The following EYS variants were observed in gnomAD, a reference collection of about 807,000 sequenced individuals.
The protein encoded by EYS is EGF-like photoreceptor maintenance factor, also known as protein eyes shut homolog.
EYS carries 250 observed loss-of-function variants against 282.1 expected under a neutral mutation model. The observed-to-expected ratio is 0.89, with a 90% CI of 0.80 to 0.98. The LOEUF is 0.98. Among genes scored for constraint, EYS ranks in the 50% least tolerant of loss-of-function variants. The pLI is 0.00. For missense variants in EYS, 4,016 were observed against 3,709.0 expected (o/e 1.08, Z -2.15); for synonymous variants, 1,355 against 1,282.9 (o/e 1.06, Z -1.20).
intron 28 of EYS, among the ~76,000 whole-genome samples, chr6:64,420,453 C>T (rs2150450788): frequency 6.6e-6 from 1 of 152,098 alleles, no homozygotes; most frequent in Admixed American, 6.5e-5. Context: ...ATTTCTGTAG[C>T]AGGCTTGAAT....
At chr6:64,403,080 G>A (rs1773589255) in intron 28 of EYS, among the ~76,000 whole-genome samples, 1 of 151,806 alleles carries the variant, frequency 6.6e-6, no homozygotes, top group African/African-American at 2.4e-5. Flanking sequence ...TAAATACTAA[G>A]ATCATTGAAA....
intron 9 of EYS, among the ~76,000 whole-genome samples, chr6:65,352,307 CA>C (rs1764312402): frequency 6.6e-6 from 1 of 151,864 alleles, no homozygotes. Flanking sequence ...ACAGACACAT[CA>C]AACTGTTAAT....
chr6:64,703,406 CACACAT>C (rs1324684287), intron 22 of EYS, among the ~76,000 whole-genome samples: 1 of 32,358 alleles, frequency 3.1e-5, no homozygotes, highest in African/African-American at 7.9e-5. Flanking sequence ...CACACACACA[CACACAT>C]ATATATATAT....
At chr6:64,266,738 T>G (rs1767771063) in intron 30 of EYS, among the ~76,000 whole-genome samples, 1 of 152,136 alleles carries the variant, frequency 6.6e-6, no homozygotes, top group Admixed American at 6.6e-5. Context: ...GCCACGTGTC[T>G]CTGAGGAGTC....
At chr6:65,645,385 T>C (rs1487586705) in intron 1 of EYS, among the ~76,000 whole-genome samples, 3 of 152,156 alleles carry the variant, frequency 2.0e-5, no homozygotes, top group African/African-American at 7.2e-5. Flanking sequence ...AAAGGAACCT[T>C]CAAAACCATG....
intron 26 of EYS, among the ~76,000 whole-genome samples, chr6:64,453,845 C>T (rs1011859990): frequency 2.6e-5 from 4 of 151,958 alleles, no homozygotes; most frequent in African/African-American, 4.8e-5. Flanking sequence ...CATCACACAC[C>T]GGGGACTGTT....
intron 14 of EYS, among the ~76,000 whole-genome samples, chr6:64,948,067 T>G (rs1769351208): frequency 6.6e-6 from 1 of 151,836 alleles, no homozygotes; most frequent in African/African-American, 2.4e-5. Flanking sequence ...TGATAATTAG[T>G]AGAAAATTGT....
At chr6:65,446,391 AC>A (rs1182364239) in intron 5 of EYS, among the ~76,000 whole-genome samples, 13 of 151,894 alleles carry the variant, frequency 8.6e-5, no homozygotes, top group African/African-American at 3.1e-4. Context: ...AACTGTCAGA[AC>A]TAAAAGTATT....
intron 1 of EYS, among the ~76,000 whole-genome samples, chr6:65,697,467 T>C (rs1406942687): frequency 6.6e-6 from 1 of 152,078 alleles, no homozygotes; most frequent in Non-Finnish European, 1.5e-5. Flanking sequence ...CTGACATTGA[T>C]CATCTGTCAA....
chr6:63,817,037 A>G lies in EYS; in HGVS notation c.7229-10665T>C, dbSNP rs73451361. On this transcript the variant is annotated intron_variant, in intron 36 of 42. Transcript: ENST00000503581. Reference sequence around the variant, plus strand: ...ATAATGGCCATTTGTTCTCATGTTTATGTTGTGATACTGTCCTGATATAGA... The same window carrying G: ...ATAATGGCCATTTGTTCTCATGTTTGTGTTGTGATACTGTCCTGATATAGA... 2.8e-3 allele frequency among the ~76,000 whole-genome samples: 430 copies of G among 152,330 alleles called. 2 individuals carry two copies. Among genetic ancestry groups the G allele is most frequent in the African/African-American group, 0.01 (418 of 41,580 alleles).
intron 31 of EYS, among the ~76,000 whole-genome samples, chr6:64,219,886 A>G (rs898213468): frequency 1.3e-5 from 2 of 151,570 alleles, no homozygotes; most frequent in African/African-American, 4.8e-5. Flanking sequence ...TTATAGGGAC[A>G]TGGATGAAGC....
chr6:64,911,351 T>C (rs902666882), intron 16 of EYS, among the ~76,000 whole-genome samples: 1 of 152,142 alleles, frequency 6.6e-6, no homozygotes. Flanking sequence ...AATCAATTAC[T>C]GATGGCTTTC....
intron 35 of EYS, among the ~76,000 whole-genome samples, chr6:63,876,143 A>T (rs1023732261): frequency 1.3e-5 from 2 of 152,168 alleles, no homozygotes; most frequent in Non-Finnish European, 2.9e-5. Flanking sequence ...ACTGCTTTAA[A>T]TGTGTCCCAG....
intron 29 of EYS, among the ~76,000 whole-genome samples, chr6:64,333,651 G>A (rs1046466963): frequency 6.6e-6 from 1 of 152,084 alleles, no homozygotes; most frequent in Non-Finnish European, 1.5e-5. Flanking sequence ...TGATCAGGCA[G>A]GAGCTCTCCT....
At chr6:65,243,334 T>C (rs1767100590) in intron 12 of EYS, among the ~76,000 whole-genome samples, 1 of 152,166 alleles carries the variant, frequency 6.6e-6, no homozygotes, top group African/African-American at 2.4e-5. Context: ...CACTATACTG[T>C]CAACTATCAC....
At chr6:65,426,776 A>C (rs1413714211) in intron 5 of EYS, among the ~76,000 whole-genome samples, 1 of 152,118 alleles carries the variant, frequency 6.6e-6, no homozygotes, top group African/African-American at 2.4e-5. Context: ...TTGTAATGTA[A>C]AAATTTTGTT....
intron 26 of EYS, among the ~76,000 whole-genome samples, chr6:64,577,704 C>T (rs1335240912): frequency 6.6e-6 from 1 of 152,058 alleles, no homozygotes; most frequent in Admixed American, 6.6e-5. Context: ...CAACTCTTGG[C>T]AGATGCAGAA....
intron 29 of EYS, among the ~76,000 whole-genome samples, chr6:64,353,785 G>A (rs547727620): frequency 6.6e-6 from 1 of 151,738 alleles, no homozygotes; most frequent in South Asian, 2.1e-4. Context: ...AAGAAAGTTT[G>A]AAGGAAGACT....
chr6:64,850,904 T>C (rs1407143231), intron 19 of EYS, among the ~76,000 whole-genome samples: 1 of 152,068 alleles, frequency 6.6e-6, no homozygotes, highest in Non-Finnish European at 1.5e-5. Context: ...AAATTTAATA[T>C]AGTAGGGAAG....
Sources: gnomAD v4.1 joint callset for allele counts (sites outside exome capture counted in the v4.1 genomes callset) on GRCh38, gnomAD v4.1.1 for gene constraint, MANE v1.5 for transcripts, NCBI Gene and HGNC (gene_info 2026-07-23, HGNC 2026-07-21) for gene names.